BSN: variants seen among roughly 807,000 people sequenced by gnomAD.
The protein encoded by BSN is bassoon presynaptic cytomatrix protein, also known as protein bassoon.
A neutral mutation model predicts 264.8 loss-of-function variants in BSN; 57 were observed. That is an observed-to-expected ratio of 0.22 (90% CI 0.17 to 0.27). BSN has a LOEUF of 0.27. BSN is among the 10% of genes least tolerant of loss of function. BSN has a pLI of 1.00. For missense variants in BSN, 4,615 were observed against 5,232.5 expected (o/e 0.88, Z 3.64); for synonymous variants, 2,059 against 2,137.3 (o/e 0.96, Z 1.01).
intron 3 of BSN, among the ~76,000 whole-genome samples, chr3:49,644,869 C>T (rs1342673587): frequency 6.6e-6 from 1 of 152,188 alleles, no homozygotes; most frequent in Admixed American, 6.5e-5. Context: ...CTGACAGTTC[C>T]TCTTGGCCGT....
chr3:49,607,687 T>G lies in BSN; in HGVS notation c.225-17288T>G, dbSNP rs2052168224. Among the ~76,000 whole-genome samples, 3 of 152,222 alleles carry G rather than the reference T, an allele frequency of 2.0e-5. No individual in the cohort carries two copies. In the South Asian group the frequency reaches 6.2e-4, roughly 32 times the overall value. On this transcript the variant is annotated intron_variant, in intron 1 of 11. Transcript: ENST00000296452. ...ATGACAGCATCTGTCTTGATGGAAT[T>G]TAGGCCACAGTAGCTGAATTTAATG...
intron 1 of BSN, among the ~76,000 whole-genome samples, chr3:49,574,175 C>T (rs541274909): frequency 9.0e-4 from 126 of 140,552 alleles, no homozygotes; most frequent in Admixed American, 2.9e-3. Flanking sequence ...GCCATGTTGC[C>T]CAGACTGGTC....
In BSN at chr3:49,652,152, G is replaced by T; in HGVS notation, c.2596G>T (p.Gly866Trp). 1 of 1,614,022 alleles carries T rather than the reference G, an allele frequency of 6.2e-7. No homozygotes were observed. Among genetic ancestry groups the T allele is most frequent in the Non-Finnish European group, 8.5e-7 (1 of 1,179,952 alleles). Residue 866 changes from glycine (G) to tryptophan (W), a missense_variant, in exon 5 of 12, where the codon GGG becomes TGG. Around this residue, in one of 3 missense-constraint regions of BSN, gnomAD observed 1,197 missense variants for 1,348.0 expected, o/e 0.89. Coordinates refer to ENST00000296452, the MANE Select transcript of BSN (RefSeq NM_003458.4). ...NLEEDDTATSGRGLAKHGTQK... is the reference protein window; with the variant it reads ...NLEEDDTATSWRGLAKHGTQK... ...GGAGGAGGATGACACTGCCACCTCCGGGCGTGGCCTGGCCAAACATGGCAC... is the reference window on the plus strand; with the variant it reads ...GGAGGAGGATGACACTGCCACCTCCTGGCGTGGCCTGGCCAAACATGGCAC...
chr3:49,617,302 T>C (rs1575439102), intron 1 of BSN, among the ~76,000 whole-genome samples: 2 of 110,680 alleles, frequency 1.8e-5, no homozygotes, highest in African/African-American at 6.1e-5. Flanking sequence ...TATATATATA[T>C]ATATATATAT....
Position 49,658,007 on chromosome 3 carries a change from G to A in BSN, c.8451G>A (p.Leu2817=), listed in dbSNP as rs1443198621. 6.2e-7 allele frequency: 1 copy of A among 1,613,326 alleles called. No individual in the cohort carries two copies. Among genetic ancestry groups the A allele is most frequent in the Non-Finnish European group, 8.5e-7 (1 of 1,179,686 alleles). The stretch of plus-strand genomic sequence containing the variant: ...CCTCCTTTGCTTCCAGTGAGAGGCT[G>A]AACAAAGCTCACGTGAGTCCCCAGA... ...LDTSFASSER[L]NKAHVSPQKH... is the part of the protein sequence containing the mutation. The change falls in exon 5 of 12, where the codon CTG becomes CTA. Residue 2817 remains leucine, a synonymous_variant. Coordinates refer to ENST00000296452, the MANE Select transcript of BSN (RefSeq NM_003458.4).
In BSN at chr3:49,654,716, C is replaced by T. The variant is rs2052580245; in HGVS notation, c.5160C>T (p.Ala1720=). 8 of 1,613,738 alleles carry T rather than the reference C, an allele frequency of 5.0e-6. No individual in the cohort carries two copies. Among genetic ancestry groups the T allele is most frequent in the Non-Finnish European group, 6.8e-6 (8 of 1,180,016 alleles). ...AVQPLVINLN[A]QEHTFLATAT... is the part of the protein sequence containing the mutation. ...AGCCCTTGGTTATCAACCTCAATGC[C>T]CAGGAGCATACCTTCCTTGCTACTG... is the stretch of plus-strand genomic sequence containing the variant. The change falls in exon 5 of 12, where the codon GCC becomes GCT. Residue 1720 remains alanine, a synonymous_variant. Coordinates refer to ENST00000296452, the MANE Select transcript of BSN (RefSeq NM_003458.4). The surrounding 1 kb of genome is among the most constrained non-coding windows in gnomAD (Gnocchi z 4.1).
chr3:49,627,606 T>C (rs1046800376), intron 2 of BSN, among the ~76,000 whole-genome samples: 10 of 152,318 alleles, frequency 6.6e-5, no homozygotes, highest in Admixed American at 5.9e-4. Flanking sequence ...AGACTACATC[T>C]GTCCTGGCCA....
downstream of BSN, among the ~76,000 whole-genome samples, chr3:49,672,464 C>T (rs1334089031): frequency 2.7e-5 from 4 of 150,654 alleles, no homozygotes; most frequent in Admixed American, 6.6e-5. Flanking sequence ...GCAGTGGCGT[C>T]AGAAAGTTGG....
chr3:49,648,861 A>G (rs1466571742), intron 3 of BSN, among the ~76,000 whole-genome samples: 1 of 152,214 alleles, frequency 6.6e-6, no homozygotes, highest in African/African-American at 2.4e-5. Flanking sequence ...GTCCCCCTCC[A>G]CAGCTGGGCC....
At chr3:49,580,539 C>T (rs1486799464) in intron 1 of BSN, among the ~76,000 whole-genome samples, 4 of 151,562 alleles carry the variant, frequency 2.6e-5, no homozygotes, top group African/African-American at 9.7e-5. Context: ...TCAAGCAGTC[C>T]TCTCATCTCA....
Position 49,655,436 on chromosome 3 carries a change from G to A in BSN, c.5880G>A (p.Val1960=). 6.4e-7 allele frequency: 1 copy of A among 1,569,900 alleles called. No individual in the cohort carries two copies. Among genetic ancestry groups the A allele is most frequent in the Non-Finnish European group, 8.6e-7 (1 of 1,157,474 alleles). The change falls in exon 5 of 12, where the codon GTG becomes GTA. Residue 1960 remains valine (V), a synonymous_variant. Coordinates refer to ENST00000296452, the MANE Select transcript of BSN (RefSeq NM_003458.4). ...CCCCAACCTACCGGGCACAGGGGGT[G>A]GTGGGGCCTGGGCCCCATGAGGAGC... The part of the protein sequence containing the change: ...PEPPTYRAQG[V]VGPGPHEEQR...
intron 1 of BSN, among the ~76,000 whole-genome samples, chr3:49,576,996 G>A (rs1484377487): frequency 2.0e-5 from 3 of 152,168 alleles, no homozygotes; most frequent in African/African-American, 7.2e-5. Context: ...TTGGTGTTTG[G>A]AATTTGAAAT....
intron 1 of BSN, among the ~76,000 whole-genome samples, chr3:49,592,050 A>G (rs2051982138): frequency 6.6e-6 from 1 of 152,168 alleles, no homozygotes; most frequent in African/African-American, 2.4e-5. Context: ...GGATAGGATA[A>G]TTTGAGAGAG....
chr3:49,596,390 C>T (rs2052023019), intron 1 of BSN, among the ~76,000 whole-genome samples: 1 of 152,070 alleles, frequency 6.6e-6, no homozygotes, highest in Non-Finnish European at 1.5e-5. Context: ...GGTGACAGAG[C>T]GAGACTCCGT....
chr3:49,616,683 A>G (rs910049457), intron 1 of BSN, among the ~76,000 whole-genome samples: 10 of 152,126 alleles, frequency 6.6e-5, no homozygotes, highest in Non-Finnish European at 1.2e-4. Context: ...GTCTGGTCTG[A>G]ATCAGCCTGG....
intron 1 of BSN, among the ~76,000 whole-genome samples, chr3:49,587,700 T>C (rs2051946523): frequency 1.4e-5 from 2 of 138,426 alleles, no homozygotes; most frequent in Admixed American, 7.2e-5. Context: ...AGTGGTAGCC[T>C]GTGACCAGTA....
At position 49,660,855 on chromosome 3, in the gene BSN, G is replaced by A; in HGVS notation, c.9010G>A (p.Gly3004Ser). The change falls in exon 6 of 12, where the codon GGT (glycine) becomes AGT (serine). Residue 3004 changes from glycine (G) to serine (S), a missense_variant. Physicochemically the swap from Gly to Ser is moderately conservative, Grantham distance 56 (BLOSUM62 0). Around this residue, in one of 3 missense-constraint regions of BSN, gnomAD observed 3,415 missense variants for 3,866.4 expected, o/e 0.88. Transcript: ENST00000296452. This position sits in a 1 kb window ranked among gnomAD's most constrained non-coding sequence, Gnocchi z 7.1. The part of the protein sequence containing the change: ...RGGRDYPPLR[G>S]LGEHRDYLSD... ...TGGCCGTGACTACCCACCCTTGCGT[G>A]GTCTTGGCGAGCATCGTGACTACCT... 6.2e-7 allele frequency: 1 copy of A among 1,613,316 alleles called. No individual in the cohort carries two copies.
chr3:49,566,077 G>A (rs764197852), intron 1 of BSN, among the ~76,000 whole-genome samples: 5 of 152,070 alleles, frequency 3.3e-5, no homozygotes, highest in African/African-American at 4.8e-5. Context: ...TGCCTACCTC[G>A]GCCTCCCAAA....
At chr3:49,631,557 CAA>C (rs1289540648) in intron 2 of BSN, among the ~76,000 whole-genome samples, 42 of 67,718 alleles carry the variant, frequency 6.2e-4, no homozygotes, top group Admixed American at 7.0e-4. Flanking sequence ...GACTCTGTCT[CAA>C]AAAAAAAAAA....
Sources: allele counts gnomAD v4.1 joint callset (sites outside exome capture counted in the v4.1 genomes callset), GRCh38; gene constraint gnomAD v4.1.1; regional missense constraint gnomAD v4.1.1; non-coding constraint Gnocchi (gnomAD v3.1); transcripts MANE v1.5; gene names NCBI Gene and HGNC (gene_info 2026-07-23, HGNC 2026-07-21).